The following WWOX variants were observed in gnomAD, a reference collection of about 807,000 sequenced individuals.
The protein encoded by WWOX is WW domain-containing oxidoreductase.
WWOX carries 69 observed loss-of-function variants against 46.2 expected under a neutral mutation model. The ratio of observed to expected loss-of-function variants is 1.49; its 90% CI spans 1.23 to 1.82. WWOX has a LOEUF of 1.82. WWOX is among the 40% of genes most tolerant of loss of function. WWOX has a pLI of 0.00. For synonymous variants in WWOX, 359 were observed against 202.6 expected, an observed-to-expected ratio of 1.77 and a Z score of -6.56; for missense variants, 919 against 542.6, an observed-to-expected ratio of 1.69 and a Z score of -6.89.
chr16:78,200,583 GT>G (rs370119652), intron 5 of WWOX, among the ~76,000 whole-genome samples: 25 of 141,076 alleles, frequency 1.8e-4, no homozygotes, highest in Admixed American at 3.6e-4. Context: ...TTTCCCTTGA[GT>G]TTTTTTTTTT....
chr16:78,815,648 G>A (rs754289847), intron 8 of WWOX, among the ~76,000 whole-genome samples: 4 of 152,168 alleles, frequency 2.6e-5, no homozygotes, highest in Non-Finnish European at 5.9e-5. Flanking sequence ...TCTGAGCCAT[G>A]GCTCCTTTTG....
chr16:78,651,028 T>C (rs1259497931), intron 8 of WWOX, among the ~76,000 whole-genome samples: 2 of 152,214 alleles, frequency 1.3e-5, no homozygotes, highest in Non-Finnish European at 2.9e-5. Context: ...TGCTGTTGGA[T>C]TGATAGCTCC....
chr16:78,387,683 T>C (rs1445639600), intron 6 of WWOX, among the ~76,000 whole-genome samples: 1 of 152,092 alleles, frequency 6.6e-6, no homozygotes, highest in East Asian at 1.9e-4. Context: ...TTACAATACT[T>C]TGTTTCCAAG....
chr16:78,838,145 C>G (rs1261606150), intron 8 of WWOX, among the ~76,000 whole-genome samples: 1 of 152,118 alleles, frequency 6.6e-6, no homozygotes, highest in African/African-American at 2.4e-5. Context: ...CTCTGTCAGG[C>G]TGCATGCACA....
chr16:78,108,498 T>C lies in WWOX; in HGVS notation c.172+11T>C. On this transcript the variant is annotated intron_variant, in intron 2 of 8. Transcript: ENST00000566780. ...AACGAGTGGCAGGAGGTTTGTATGTTGTTGTCTAAGGATCTTGGATGGAAG... is the reference window on the plus strand; with the variant it reads ...AACGAGTGGCAGGAGGTTTGTATGTCGTTGTCTAAGGATCTTGGATGGAAG... 1 of 1,613,572 alleles carries C rather than the reference T, an allele frequency of 6.2e-7. No homozygotes were observed. The highest frequency in any genetic ancestry group is 1.1e-5 in the South Asian group (1 of 91,062).
chr16:78,272,844 A>G (rs7498670), intron 5 of WWOX, among the ~76,000 whole-genome samples: 8,043 of 152,200 alleles, frequency 0.053, 372 homozygotes, highest in African/African-American at 0.12. Context: ...ACTCATCGGT[A>G]AGGAGTAGGG....
At chr16:78,854,094 A>C (rs1193457882) in intron 8 of WWOX, among the ~76,000 whole-genome samples, 1 of 152,122 alleles carries the variant, frequency 6.6e-6, no homozygotes. Flanking sequence ...CAGCATTTAC[A>C]CGATTGTTTT....
intron 8 of WWOX, among the ~76,000 whole-genome samples, chr16:79,005,615 T>A (rs1463422018): frequency 6.6e-6 from 1 of 152,182 alleles, no homozygotes. Flanking sequence ...CATCTCTGCC[T>A]CTGTCTTCTC....
intron 8 of WWOX, among the ~76,000 whole-genome samples, chr16:78,600,248 C>T (rs544966079): frequency 1.3e-4 from 20 of 151,894 alleles, no homozygotes; most frequent in Non-Finnish European, 2.4e-4. Context: ...AGCGACAGTT[C>T]AAGATGAGAT....
intron 6 of WWOX, among the ~76,000 whole-genome samples, chr16:78,388,986 AT>A (rs1026082630): frequency 1.3e-5 from 2 of 151,064 alleles, no homozygotes; most frequent in African/African-American, 4.8e-5. Context: ...AAAAAAAAAA[AT>A]TGACTCAGGC....
chr16:78,725,209 G>A (rs1288351045), intron 8 of WWOX, among the ~76,000 whole-genome samples: 1 of 152,132 alleles, frequency 6.6e-6, no homozygotes, highest in South Asian at 2.1e-4. Context: ...TGTATGATGT[G>A]CCTTTCGCTT....
intron 8 of WWOX, among the ~76,000 whole-genome samples, chr16:78,778,717 T>C (rs1393157939): frequency 6.6e-6 from 1 of 152,176 alleles, no homozygotes; most frequent in Non-Finnish European, 1.5e-5. Context: ...GGTTTGCAGA[T>C]TGGCCTGAAG....
At position 78,310,093 on chromosome 16, in the gene WWOX, A is replaced by G. The variant is rs77239276; in HGVS notation, c.517-76767A>G. 2.9e-3 allele frequency among the ~76,000 whole-genome samples: 421 copies of G among 146,208 alleles called. 4 individuals carry two copies. The highest frequency in any genetic ancestry group is 0.01 in the African/African-American group (410 of 39,232). The stretch of plus-strand genomic sequence containing the variant: ...CCCCTCTCTTTTTCCTTTTCTTTCT[A>G]TCATCATCCATAGCTCTCTTGCCCC... On this transcript the variant is annotated intron_variant, in intron 5 of 8. Transcript: ENST00000566780.
chr16:78,825,766 T>A (rs986260409), intron 8 of WWOX: 1 of 592,468 alleles, frequency 1.7e-6, no homozygotes, highest in African/African-American at 1.8e-5. Context: ...GAGACCATGT[T>A]AACTAGTACA....
At chr16:78,536,627 AT>A (rs1420631799) in intron 8 of WWOX, among the ~76,000 whole-genome samples, 1 of 152,090 alleles carries the variant, frequency 6.6e-6, no homozygotes, top group Non-Finnish European at 1.5e-5. Flanking sequence ...CATTGAATCA[AT>A]GCAATCCCAT....
chr16:78,432,682 C>G lies in WWOX; in HGVS notation c.986C>G (p.Ser329Cys). Residue 329 changes from serine to cysteine, a missense_variant, in exon 8 of 9, where the codon TCC becomes TGC. Physicochemically the swap from Ser to Cys is moderately radical, Grantham distance 112. Coordinates refer to ENST00000566780, the MANE Select transcript of WWOX (RefSeq NM_016373.4). The part of the protein sequence containing the change: ...NAVHPGNMMY[S>C]NIHRSWWVYT... ...GTGCATCCTGGAAATATGATGTACT[C>G]CAACATTCATCGCAGCTGGTGGGTG... 6.2e-7 allele frequency: 1 copy of G among 1,614,188 alleles called. No homozygotes were observed. The highest frequency in any genetic ancestry group is 8.5e-7 in the Non-Finnish European group (1 of 1,180,032).
At chr16:78,866,897 G>C (rs143755781) in intron 8 of WWOX, among the ~76,000 whole-genome samples, 44 of 152,328 alleles carry the variant, frequency 2.9e-4, no homozygotes, top group Non-Finnish European at 5.0e-4. Context: ...CATCAGGGCT[G>C]AGGAGCAAAC....
chr16:78,677,810 C>G (rs13338652), intron 8 of WWOX, among the ~76,000 whole-genome samples: 2,023 of 152,296 alleles, frequency 0.013, 51 homozygotes, highest in African/African-American at 0.046. Flanking sequence ...TCAGTGACAT[C>G]ACATTGTATT....
chr16:78,422,279 T>A (rs1055001623), intron 6 of WWOX, among the ~76,000 whole-genome samples: 2 of 152,128 alleles, frequency 1.3e-5, no homozygotes, highest in African/African-American at 4.8e-5. Flanking sequence ...CTATAAAGAT[T>A]TTTATGTTTC....
Sources: gnomAD v4.1 joint callset for allele counts (sites outside exome capture counted in the v4.1 genomes callset) on GRCh38, gnomAD v4.1.1 for gene constraint, MANE v1.5 for transcripts, NCBI Gene and HGNC (gene_info 2026-07-23, HGNC 2026-07-21) for gene names.